The following ROBO2 variants were observed in gnomAD, a reference collection of about 807,000 sequenced individuals.
ROBO2 encodes the protein roundabout homolog 2.
Under a neutral mutation model 160.8 loss-of-function variants are expected in ROBO2, and 53 were observed. The observed-to-expected ratio is 0.33, with a 90% CI of 0.26 to 0.41. The LOEUF (loss-of-function observed/expected upper bound fraction) is 0.41. Ranked by LOEUF, ROBO2 falls within the 10% of genes least tolerant of loss-of-function variation. ROBO2 has a pLI of 1.00. For missense variants in ROBO2, 1,577 were observed against 1,722.4 expected, an observed-to-expected ratio of 0.92 and a Z score of 1.49; for synonymous variants, 664 against 611.7, an observed-to-expected ratio of 1.09 and a Z score of -1.26.
chr3:76,855,189 T>A (rs1052362280), intron 2 of ROBO2, among the ~76,000 whole-genome samples: 3 of 152,212 alleles, frequency 2.0e-5, no homozygotes, highest in Non-Finnish European at 4.4e-5. Flanking sequence ...CAAAACAAAC[T>A]GATTGAAGTA....
intron 4 of ROBO2, among the ~76,000 whole-genome samples, chr3:77,483,755 CTAT>C (rs56969944): frequency 0.014 from 2,062 of 146,094 alleles, 47 homozygotes; most frequent in African/African-American, 0.049. Context: ...TTATTGATAC[CTAT>C]TATTATTATA....
intron 17 of ROBO2, 80 bp downstream of exon 18, chr3:77,589,013 A>G (rs2094120927): frequency 6.5e-7 from 1 of 1,527,116 alleles, no homozygotes; most frequent in Non-Finnish European, 9.1e-7. Context: ...GAAAGGAATA[A>G]CAAATGAGTG....
chr3:76,304,305 A>G (rs1049815009), intron 2 of ROBO2, among the ~76,000 whole-genome samples: 9 of 152,254 alleles, frequency 5.9e-5, no homozygotes, highest in African/African-American at 1.9e-4. Context: ...GTTAAAAACA[A>G]AGAATTAAAG....
chr3:76,571,897 T>A (rs897408088), intron 2 of ROBO2, among the ~76,000 whole-genome samples: 7 of 152,046 alleles, frequency 4.6e-5, no homozygotes. Flanking sequence ...ATTCTAAAAG[T>A]GTTGAATTTT....
chr3:77,575,551 C>T (rs141565465), intron 14 of ROBO2, among the ~76,000 whole-genome samples: 51 of 152,172 alleles, frequency 3.4e-4, no homozygotes, highest in African/African-American at 9.6e-4. Context: ...TTAAATTATA[C>T]ATTTCTTACA....
At chr3:76,245,477 A>G (rs1041872936) in intron 2 of ROBO2, among the ~76,000 whole-genome samples, 1 of 152,198 alleles carries the variant, frequency 6.6e-6, no homozygotes, top group Non-Finnish European at 1.5e-5. Context: ...AAATGATCCT[A>G]AAATACAATA....
chr3:76,988,385 C>A (rs2060497296), intron 2 of ROBO2, among the ~76,000 whole-genome samples: 1 of 152,116 alleles, frequency 6.6e-6, no homozygotes, highest in Non-Finnish European at 1.5e-5. Flanking sequence ...GTGAATAAGT[C>A]AGGCTAAAAA....
At chr3:77,232,649 G>T (rs550729321) in intron 2 of ROBO2, among the ~76,000 whole-genome samples, 2 of 152,288 alleles carry the variant, frequency 1.3e-5, no homozygotes, top group East Asian at 3.9e-4. Context: ...TGCAGAAAGG[G>T]ATGGTAATTG....
chr3:76,095,633 T>G (rs578145630), intron 2 of ROBO2, among the ~76,000 whole-genome samples: 2 of 152,066 alleles, frequency 1.3e-5, no homozygotes, highest in South Asian at 2.1e-4. Flanking sequence ...TATCTAAAAT[T>G]TATTGGATAA....
At chr3:76,067,878 T>C (rs780793517) in intron 2 of ROBO2, among the ~76,000 whole-genome samples, 2 of 152,308 alleles carry the variant, frequency 1.3e-5, no homozygotes, top group South Asian at 4.1e-4. Context: ...TTACTGAGCA[T>C]GTAATATGTG....
chr3:76,116,853 G>A (rs1190483063), intron 2 of ROBO2, among the ~76,000 whole-genome samples: 2 of 151,944 alleles, frequency 1.3e-5, no homozygotes. Context: ...TTTTTTACTT[G>A]AGTAAAACCT....
At chr3:76,722,887 A>C (rs1242301162) in intron 2 of ROBO2, among the ~76,000 whole-genome samples, 3 of 152,244 alleles carry the variant, frequency 2.0e-5, no homozygotes, top group African/African-American at 4.8e-5. Flanking sequence ...GTCTACGATT[A>C]ATAAAGCTGC....
chr3:77,239,285 T>C (rs114451164), intron 2 of ROBO2, among the ~76,000 whole-genome samples: 4,164 of 152,224 alleles, frequency 0.027, 222 homozygotes, highest in African/African-American at 0.095. Flanking sequence ...GCCGTGAGTG[T>C]TGCAGCTCTT....
chr3:77,204,392 TG>T (rs1352750134), intron 2 of ROBO2, among the ~76,000 whole-genome samples: 1 of 152,246 alleles, frequency 6.6e-6, no homozygotes, highest in Non-Finnish European at 1.5e-5. Flanking sequence ...TTATATTTGA[TG>T]CTTAATTGAT....
chr3:77,458,237 A>G (rs1458275653), intron 2 of ROBO2, among the ~76,000 whole-genome samples: 1 of 152,222 alleles, frequency 6.6e-6, no homozygotes, highest in Non-Finnish European at 1.5e-5. Flanking sequence ...TAACCTCCAG[A>G]GGGCAAAGAA....
At chr3:76,432,562 T>C (rs887303631) in intron 2 of ROBO2, among the ~76,000 whole-genome samples, 4 of 152,134 alleles carry the variant, frequency 2.6e-5, no homozygotes, top group Non-Finnish European at 5.9e-5. Flanking sequence ...AGACTTCAGT[T>C]TCTCACTGGC....
At chr3:77,543,976 G>A (rs9309772) in intron 6 of ROBO2, among the ~76,000 whole-genome samples, 81,432 of 151,612 alleles carry the variant, frequency 0.54, 21,919 homozygotes, top group Middle Eastern at 0.68. Flanking sequence ...CTCCTCACTT[G>A]GCAAGTGTCC....
At chr3:77,202,311 C>T (rs1483827930) in intron 2 of ROBO2, among the ~76,000 whole-genome samples, 2 of 152,142 alleles carry the variant, frequency 1.3e-5, no homozygotes, top group African/African-American at 4.8e-5. Flanking sequence ...ACTTCTACCT[C>T]ATGATACTTT....
intron 2 of ROBO2, among the ~76,000 whole-genome samples, chr3:76,723,394 C>A (rs1201968177): frequency 3.3e-5 from 5 of 152,006 alleles, no homozygotes; most frequent in Non-Finnish European, 7.4e-5. Flanking sequence ...GGAAAAAAAT[C>A]CATAAACATA....
Sources: allele counts gnomAD v4.1 joint callset (sites outside exome capture counted in the v4.1 genomes callset), GRCh38; gene constraint gnomAD v4.1.1; transcripts MANE v1.5; gene names NCBI Gene and HGNC (gene_info 2026-07-23, HGNC 2026-07-21).